Variants in SHOC2 observed in about 807,000 individuals in gnomAD.
SHOC2 encodes the protein SHOC2 leucine rich repeat scaffold protein.
In SHOC2, 4 loss-of-function variants were observed where a neutral mutation model predicts 50.2. The observed-to-expected ratio is 0.08, with a 90% CI of 0.04 to 0.18. The LOEUF (loss-of-function observed/expected upper bound fraction) is 0.18, where lower values mean the gene tolerates loss of function less well. Among genes scored for constraint, SHOC2 ranks in the 10% least tolerant of loss-of-function variants. The pLI is 1.00. For synonymous variants in SHOC2, 218 were observed against 244.5 expected (o/e 0.89, Z 1.01); for missense variants, 388 against 669.6 (o/e 0.58, Z 4.64).
intron 1 of SHOC2, chr10:110,936,846 T>C (rs748872502): frequency 8.9e-6 from 12 of 1,343,844 alleles, no homozygotes; most frequent in Non-Finnish European, 1.1e-6. Context: ...CTTGTAGGCT[T>C]CAGACGCACA....
intron 1 of SHOC2, among the ~76,000 whole-genome samples, chr10:110,963,336 T>C (rs947531905): frequency 6.6e-6 from 1 of 152,172 alleles, no homozygotes; most frequent in Non-Finnish European, 1.5e-5. Flanking sequence ...TCTTTTTCAG[T>C]CCCTAGAATA....
intron 1 of SHOC2, among the ~76,000 whole-genome samples, chr10:110,925,871 T>C (rs1019232242): frequency 2.6e-5 from 4 of 152,242 alleles, no homozygotes; most frequent in Admixed American, 2.6e-4. Flanking sequence ...AAAACACTCA[T>C]TTGCATTTCT....
chr10:110,977,546 G>C (rs1473761241), intron 2 of SHOC2, among the ~76,000 whole-genome samples: 1 of 152,090 alleles, frequency 6.6e-6, no homozygotes, highest in Non-Finnish European at 1.5e-5. Flanking sequence ...TACCCATCCT[G>C]CATGTTTAGT....
At chr10:110,945,402 C>A (rs562741567) in intron 1 of SHOC2, among the ~76,000 whole-genome samples, 38 of 152,176 alleles carry the variant, frequency 2.5e-4, no homozygotes, top group Non-Finnish European at 5.1e-4. Context: ...TACTGTGGAT[C>A]TGGAGAGCAA....
intron 1 of SHOC2, among the ~76,000 whole-genome samples, chr10:110,933,155 A>G (rs992753759): frequency 6.6e-6 from 1 of 152,114 alleles, no homozygotes; most frequent in African/African-American, 2.4e-5. Flanking sequence ...AATTGGCTTT[A>G]TTAGTTTAAA....
rs1218882628 is a variant in SHOC2 at position 110,942,076 on chromosome 10, G to A, written c.-234-22049G>A. Among the ~76,000 whole-genome samples the A allele has an allele frequency of 2.6e-5, 4 of 152,068 alleles. No individual in the cohort carries two copies. In the East Asian group the frequency reaches 5.8e-4, roughly 22 times the overall value. ...AAGACAAAATTCATTCGTTTGTTTT[G>A]TACTTTGAAGGGTTCTTTACCCACG... is the stretch of plus-strand genomic sequence containing the variant. On this transcript the variant is annotated intron_variant, in intron 1 of 8. Coordinates refer to ENST00000369452, the MANE Select transcript of SHOC2 (RefSeq NM_007373.4).
chr10:110,995,995 G>A (rs1848261043), intron 3 of SHOC2, among the ~76,000 whole-genome samples: 1 of 152,104 alleles, frequency 6.6e-6, no homozygotes, highest in African/African-American at 2.4e-5. Flanking sequence ...CAGAGATTTT[G>A]TTCATACTTC....
At chr10:110,933,189 C>T (rs1016424367) in intron 1 of SHOC2, among the ~76,000 whole-genome samples, 1 of 152,104 alleles carries the variant, frequency 6.6e-6, no homozygotes, top group African/African-American at 2.4e-5. Context: ...ATCAGTGTTA[C>T]ATATATTTTG....
At position 110,939,097 on chromosome 10, in the gene SHOC2, C is replaced by T. The variant is rs7081924; in HGVS notation, c.-235+19440C>T. Among the ~76,000 whole-genome samples, 508 of 152,188 alleles carry T rather than the reference C, an allele frequency of 3.3e-3. 4 individuals are homozygous for T. The highest frequency in any genetic ancestry group is 0.011 in the African/African-American group (463 of 41,488). ...AATTTTGGAAATCTTGTAGCCCTCCCGACTTATTTTTCAGTAAAAACTGAA... is the reference window on the plus strand; with the variant it reads ...AATTTTGGAAATCTTGTAGCCCTCCTGACTTATTTTTCAGTAAAAACTGAA... On this transcript the variant is annotated intron_variant, in intron 1 of 8. Transcript: ENST00000369452.
chr10:110,987,768 A>T (rs1474179750), intron 3 of SHOC2, among the ~76,000 whole-genome samples: 1 of 152,182 alleles, frequency 6.6e-6, no homozygotes, highest in African/African-American at 2.4e-5. Flanking sequence ...GCATGTTTAA[A>T]ACATGATGAG....
intron 1 of SHOC2, among the ~76,000 whole-genome samples, chr10:110,963,537 T>C (rs1241281186): frequency 1.3e-5 from 2 of 152,180 alleles, no homozygotes; most frequent in African/African-American, 4.8e-5. Context: ...CTCTCTTCTA[T>C]CGTCACCACC....
At chr10:110,986,561 C>T (rs1217809680) in intron 3 of SHOC2, among the ~76,000 whole-genome samples, 2 of 152,118 alleles carry the variant, frequency 1.3e-5, no homozygotes, top group African/African-American at 4.8e-5. Context: ...GCAGCCTCCG[C>T]CTCCTGGGTT....
intron 1 of SHOC2, among the ~76,000 whole-genome samples, chr10:110,936,040 A>C (rs1847000554): frequency 2.0e-5 from 3 of 151,816 alleles, no homozygotes; most frequent in Admixed American, 2.0e-4. Flanking sequence ...TTGCATATTT[A>C]ATGATGTTTT....
At chr10:110,980,240 T>C (rs912672962) in intron 2 of SHOC2, among the ~76,000 whole-genome samples, 6 of 150,706 alleles carry the variant, frequency 4.0e-5, no homozygotes, top group Non-Finnish European at 8.9e-5. Context: ...CACTGCAAGC[T>C]CCGCCTCCCG....
chr10:110,935,956 TA>T (rs1564703619), intron 1 of SHOC2, among the ~76,000 whole-genome samples: 1 of 152,204 alleles, frequency 6.6e-6, no homozygotes, highest in Non-Finnish European at 1.5e-5. Flanking sequence ...GATAGTTTTT[TA>T]AAAATCTTTT....
chr10:111,008,760 CT>C, intron 6 of SHOC2, among the ~76,000 whole-genome samples: 1 of 152,248 alleles, frequency 6.6e-6, no homozygotes, highest in Non-Finnish European at 1.5e-5. Context: ...CCTTACCTTT[CT>C]GCTAGTTTGT....
chr10:111,007,468 C>T (rs1458556505), intron 5 of SHOC2, 63 bp from the exon 6 acceptor site: 6 of 1,549,436 alleles, frequency 3.9e-6, no homozygotes, highest in Non-Finnish European at 5.3e-6. Flanking sequence ...TCCGAAGTGA[C>T]AGGTATATAT....
At chr10:110,920,120 GC>G (rs1330116473) in intron 1 of SHOC2, 2 of 151,928 alleles carry the variant, frequency 1.3e-5, no homozygotes, top group African/African-American at 4.8e-5. Context: ...GTTGGCGAGG[GC>G]CCGGGCGCAG....
At chr10:111,004,827 T>C (rs1235498196) in intron 5 of SHOC2, 33 bp downstream of exon 5, 5 of 1,413,662 alleles carry the variant, frequency 3.5e-6, no homozygotes, top group Non-Finnish European at 5.0e-6. Context: ...GGGAAAGGAA[T>C]TGCTTTAATT....
Sources: allele counts gnomAD v4.1 joint callset (sites outside exome capture counted in the v4.1 genomes callset), GRCh38; gene constraint gnomAD v4.1.1; transcripts MANE v1.5; gene names NCBI Gene and HGNC (gene_info 2026-07-23, HGNC 2026-07-21).